Variants in TMEM272 observed in about 807,000 individuals in gnomAD.
TMEM272 encodes the protein transmembrane protein 272.
TMEM272 carries 8 observed loss-of-function variants against 3.7 expected under a neutral mutation model. The ratio of observed to expected loss-of-function variants is 2.17; its 90% CI spans 1.27 to 3.91. The LOEUF (loss-of-function observed/expected upper bound fraction) is 3.91. Ranked by LOEUF, TMEM272 falls within the 30% of genes most tolerant of loss-of-function variation. TMEM272 has a pLI of 0.00. For synonymous variants in TMEM272, 63 were observed against 39.8 expected (o/e 1.58, Z -2.20); for missense variants, 166 against 91.5 (o/e 1.81, Z -3.32).
the TMEM272 span, among the ~76,000 whole-genome samples, chr13:51,870,461 G>C: frequency 4.6e-5 from 7 of 152,190 alleles, no homozygotes; most frequent in African/African-American, 1.7e-4. Context: ...AAATGAGAAT[G>C]AAAGAGAAGA....
At chr13:51,912,875 G>C in the TMEM272 span, among the ~76,000 whole-genome samples, 1 of 152,220 alleles carries the variant, frequency 6.6e-6, no homozygotes, top group Non-Finnish European at 1.5e-5. Flanking sequence ...TTAGGAATCT[G>C]AAAAGTTAGA....
At chr13:51,910,709 G>A in the TMEM272 span, 58 of 396,382 alleles carry the variant, frequency 1.5e-4, no homozygotes, top group Non-Finnish European at 2.4e-4. Flanking sequence ...CCTTCTGTTC[G>A]GAACTCAAAT....
At chr13:51,910,430 T>C in the TMEM272 span, 111 of 940,494 alleles carry the variant, frequency 1.2e-4, no homozygotes, top group African/African-American at 1.6e-3. Context: ...TCCTAACCGA[T>C]CTAAAACTTC....
At chr13:51,908,636 A>G in the TMEM272 span, 1 of 1,486,270 alleles carries the variant, frequency 6.7e-7, no homozygotes, top group South Asian at 1.1e-5. Flanking sequence ...TATCTTTGGT[A>G]TCATTTCCAC....
At chr13:51,847,988 GT>G (rs1956314390), upstream of TMEM272, among the ~76,000 whole-genome samples, 1 of 152,152 alleles carries the variant, frequency 6.6e-6, no homozygotes, top group African/African-American at 2.4e-5. Flanking sequence ...GGAGATTTTT[GT>G]GGGGGAGAAA....
chr13:51,915,890 T>C, the TMEM272 span, among the ~76,000 whole-genome samples: 8 of 152,206 alleles, frequency 5.3e-5, no homozygotes, highest in East Asian at 1.4e-3. Flanking sequence ...CTGGCCAACA[T>C]GGTGAAACCC....
At chr13:51,864,326 T>G in the TMEM272 span, among the ~76,000 whole-genome samples, 2 of 152,100 alleles carry the variant, frequency 1.3e-5, no homozygotes, top group African/African-American at 4.8e-5. Flanking sequence ...TCACACCCCT[T>G]AGTCTCACCT....
the TMEM272 span, among the ~76,000 whole-genome samples, chr13:51,860,818 A>AGTGTGTGTGTGT: frequency 5.1e-4 from 74 of 144,250 alleles, no homozygotes; most frequent in Middle Eastern, 3.5e-3. Flanking sequence ...TATATATAGA[A>AGTGTGTGTGTGT]GTGTGTGTGT....
chr13:51,923,803 C>T, the TMEM272 span, among the ~76,000 whole-genome samples: 1 of 152,086 alleles, frequency 6.6e-6, no homozygotes, highest in Non-Finnish European at 1.5e-5. Context: ...CCCAATTAGC[C>T]CTCAGCCACC....
chr13:51,836,358 T>C (rs1331755744), intron 2 of TMEM272, among the ~76,000 whole-genome samples: 1 of 152,262 alleles, frequency 6.6e-6, no homozygotes, highest in Non-Finnish European at 1.5e-5. Flanking sequence ...TGTGGTATTC[T>C]GTTATAGCAG....
At chr13:51,906,810 G>A in the TMEM272 span, among the ~76,000 whole-genome samples, 1 of 152,188 alleles carries the variant, frequency 6.6e-6, no homozygotes, top group Non-Finnish European at 1.5e-5. Flanking sequence ...AGTCCCTGCA[G>A]GCTCCTGGAC....
In TMEM272 at chr13:51,817,112, AC is replaced by A. The variant is rs1455092166; in HGVS notation, c.202del (p.Val68CysfsTer11). 2.9e-6 allele frequency: 2 copies of A among 698,584 alleles called. No individual in the cohort carries two copies. The highest frequency in any genetic ancestry group is 1.8e-5 in the African/African-American group (1 of 57,126). The allele number at this position is 698,584 out of a possible 1,614,324, so 43.3% of individuals were successfully genotyped here. A position where few individuals can be genotyped will look rare whatever the true frequency, so the allele number is the denominator to read the frequency against. On this transcript the variant is annotated frameshift_variant and splice_region_variant, in exon 5 of 5. Coordinates refer to ENST00000629372, the MANE Select transcript of TMEM272 (RefSeq NM_001351003.2). LOFTEE classifies it low-confidence loss of function (END_TRUNC). ...LVGGIVGTLKVSLLLYDSTRM... is the reference protein window; with the variant it reads ...LVGGIVGTLKXSLLLYDSTRM... ...GGTGGAGTCGTACAACAGGAGAGAC[AC>A]CTGGGGCGTGGTGGGGAGCCAGGGT...
upstream of TMEM272, among the ~76,000 whole-genome samples, chr13:51,846,190 G>T (rs924894668): frequency 6.6e-6 from 1 of 152,242 alleles, no homozygotes; most frequent in Non-Finnish European, 1.5e-5. Context: ...CACACCACAG[G>T]ACAGGGTGAA....
At chr13:51,819,106 C>G (rs566601791) in intron 4 of TMEM272, among the ~76,000 whole-genome samples, 1 of 152,240 alleles carries the variant, frequency 6.6e-6, no homozygotes, top group South Asian at 2.1e-4. Flanking sequence ...AGAGAGCCAC[C>G]CACAGTAGAG....
At chr13:51,861,772 G>C in the TMEM272 span, among the ~76,000 whole-genome samples, 1 of 152,160 alleles carries the variant, frequency 6.6e-6, no homozygotes, top group Non-Finnish European at 1.5e-5. Flanking sequence ...CAATCTCCAA[G>C]TAGAATAAAC....
At chr13:51,927,590 C>T in the TMEM272 span, among the ~76,000 whole-genome samples, 1 of 152,156 alleles carries the variant, frequency 6.6e-6, no homozygotes, top group South Asian at 2.1e-4. Context: ...GACTGAAATG[C>T]CACATTAAAA....
At chr13:51,913,085 C>T in the TMEM272 span, among the ~76,000 whole-genome samples, 1 of 152,192 alleles carries the variant, frequency 6.6e-6, no homozygotes, top group Admixed American at 6.5e-5. Flanking sequence ...AGTGGGCAAA[C>T]TGCATTCTCA....
At chr13:51,924,490 G>A in the TMEM272 span, among the ~76,000 whole-genome samples, 10 of 152,180 alleles carry the variant, frequency 6.6e-5, no homozygotes, top group Admixed American at 3.3e-4. Context: ...CAGTGGGGTT[G>A]AGTCTAGGGA....
At chr13:51,903,821 G>A in the TMEM272 span, among the ~76,000 whole-genome samples, 4 of 152,148 alleles carry the variant, frequency 2.6e-5, no homozygotes, top group African/African-American at 9.7e-5. Flanking sequence ...CAGTGCTGGG[G>A]CAGAAAAGAG....
Sources: allele counts gnomAD v4.1 joint callset (sites outside exome capture counted in the v4.1 genomes callset), GRCh38; gene constraint gnomAD v4.1.1; transcripts MANE v1.5; gene names NCBI Gene and HGNC (gene_info 2026-07-23, HGNC 2026-07-21).